The following KIF4A variants were observed in gnomAD, a reference collection of about 807,000 sequenced individuals.
KIF4A encodes the protein kinesin family member 4A.
In KIF4A, 7 loss-of-function variants were observed where a neutral mutation model predicts 105.9. The observed-to-expected ratio is 0.07, with a 90% CI of 0.04 to 0.12. The LOEUF (loss-of-function observed/expected upper bound fraction) is 0.12, where lower values mean the gene tolerates loss of function less well. KIF4A is among the 10% of genes least tolerant of loss of function. The pLI is 1.00. For synonymous variants in KIF4A, 281 were observed against 331.3 expected (o/e 0.85, Z 1.65); for missense variants, 558 against 929.2 (o/e 0.60, Z 5.19).
At chrX:70,380,287 AAC>A (rs1051370117) in intron 18 of KIF4A, among the ~76,000 whole-genome samples, 18 of 111,641 alleles carry the variant, frequency 1.6e-4, no homozygotes, top group Non-Finnish European at 5.7e-5. Flanking sequence ...CAGCCTGGGC[AAC>A]AGAGTGAGAC....
rs750885613 is a variant in KIF4A, at chrX:70,402,550, G to A, written c.2490-16G>A. 3.3e-6 allele frequency: 4 copies of A among 1,210,403 alleles called. No individual in the cohort carries two copies. The highest frequency in any genetic ancestry group is 2.3e-4 in the Middle Eastern group (1 of 4,341). On this transcript the variant is annotated splice_polypyrimidine_tract_variant and intron_variant, in intron 22 of 30. Coordinates refer to ENST00000374403, the MANE Select transcript of KIF4A (RefSeq NM_012310.5). ...CAGGCTACTTGCAATAAGGCTTACT[G>A]TTTCTTTCCCTGAAGGAGTGCTCAG...
At chrX:70,348,841 T>A (rs753231350) in intron 13 of KIF4A, among the ~76,000 whole-genome samples, 1 of 112,547 alleles carries the variant, frequency 8.9e-6, no homozygotes, top group East Asian at 2.8e-4. Flanking sequence ...ATTGTCATCA[T>A]GGCCCGTTCT....
intron 13 of KIF4A, among the ~76,000 whole-genome samples, chrX:70,349,828 C>T (rs1366629767): frequency 8.1e-5 from 7 of 86,744 alleles, no homozygotes; most frequent in African/African-American, 9.5e-5. Flanking sequence ...TGGGCAGAGG[C>T]GCTCCTCACT....
chrX:70,369,652 A>G (rs1439652756), intron 15 of KIF4A, among the ~76,000 whole-genome samples: 2 of 111,698 alleles, frequency 1.8e-5, no homozygotes, highest in Non-Finnish European at 3.8e-5. Context: ...TTCATTATGG[A>G]AAAAAAATGA....
intron 7 of KIF4A, among the ~76,000 whole-genome samples, chrX:70,321,133 C>T (rs1044294252): frequency 9.0e-6 from 1 of 111,150 alleles, no homozygotes; most frequent in East Asian, 2.8e-4. Flanking sequence ...AAGCCTACCT[C>T]CTCGACCATC....
intron 15 of KIF4A, among the ~76,000 whole-genome samples, chrX:70,368,017 A>G (rs902117125): frequency 1.8e-4 from 20 of 111,484 alleles, no homozygotes; most frequent in African/African-American, 6.2e-4. Context: ...TCCATCACTC[A>G]TACCTTTTCT....
rs189692120 is a variant in KIF4A, at chrX:70,385,769, G to A, written c.2035-849G>A. Among the ~76,000 whole-genome samples the A allele has an allele frequency of 2.7e-3, 302 of 112,425 alleles. 5 individuals carry two copies. Among genetic ancestry groups the A allele is most frequent in the Admixed American group, 0.026 (271 of 10,593 alleles). ...CAAGAAATCAAAGCAGTTAAATATT[G>A]TGTGCTCAGCTGAAGCAGGTGATAC... On this transcript the variant is annotated intron_variant, in intron 18 of 30. Coordinates refer to ENST00000374403, the MANE Select transcript of KIF4A (RefSeq NM_012310.5).
chrX:70,373,644 ACG>A (rs1404676910), intron 15 of KIF4A, among the ~76,000 whole-genome samples: 1 of 6,285 alleles, frequency 1.6e-4, no homozygotes, highest in Non-Finnish European at 2.8e-4. Context: ...ATACATATAT[ACG>A]TGTATATATA....
At chrX:70,358,441 A>G (rs958093392) in intron 15 of KIF4A, among the ~76,000 whole-genome samples, 7 of 108,888 alleles carry the variant, frequency 6.4e-5, no homozygotes, top group African/African-American at 2.0e-4. Context: ...TTTTTATTCC[A>G]CTCTGAGAGA....
chrX:70,331,451 T>C (rs1056870255), intron 9 of KIF4A, among the ~76,000 whole-genome samples: 31 of 111,505 alleles, frequency 2.8e-4, no homozygotes, highest in African/African-American at 9.1e-4. Flanking sequence ...AAGTTATATT[T>C]ACACTATACT....
At chrX:70,330,105 C>T in intron 8 of KIF4A, 52 bp from the exon 9 acceptor site, 1 of 1,072,732 alleles carries the variant, frequency 9.3e-7, no homozygotes, top group Non-Finnish European at 1.3e-6. Context: ...TTGCTTATAT[C>T]CTACTTGTTT....
chrX:70,341,659 C>CAA, intron 10 of KIF4A, 140 bp from the exon 11 acceptor site: 1 of 571,258 alleles, frequency 1.8e-6, no homozygotes, highest in South Asian at 4.1e-5. Context: ...GTTGGACACA[C>CAA]TTTTCCCAGA....
chrX:70,408,308 C>A (rs1197188361), intron 28 of KIF4A, among the ~76,000 whole-genome samples: 1 of 111,453 alleles, frequency 9.0e-6, no homozygotes, highest in Non-Finnish European at 1.9e-5. Context: ...TAATTTTACT[C>A]TCTAGGCTAA....
At chrX:70,373,847 T>TACAC (rs902162619) in intron 15 of KIF4A, among the ~76,000 whole-genome samples, 39 of 36,478 alleles carry the variant, frequency 1.1e-3, no homozygotes, top group Admixed American at 2.8e-3. Context: ...CACACACACA[T>TACAC]ACACACACAC....
At chrX:70,407,107 T>TTTG in intron 28 of KIF4A, 32 bp downstream of exon 28, 1 of 1,158,073 alleles carries the variant, frequency 8.6e-7, no homozygotes, top group Non-Finnish European at 1.2e-6. Flanking sequence ...TTTTTTTTGT[T>TTTG]TTGTTGTTGT....
At chrX:70,331,407 G>A (rs2085929982) in intron 9 of KIF4A, among the ~76,000 whole-genome samples, 1 of 111,406 alleles carries the variant, frequency 9.0e-6, no homozygotes, top group Non-Finnish European at 1.9e-5. Flanking sequence ...AATAAAGTGA[G>A]TCACACAATT....
At chrX:70,363,228 A>C (rs1369940551) in intron 15 of KIF4A, among the ~76,000 whole-genome samples, 1 of 88,579 alleles carries the variant, frequency 1.1e-5, no homozygotes, top group African/African-American at 3.6e-5. Flanking sequence ...GTATATAATG[A>C]ATAGAAACTA....
At chrX:70,362,023 G>A (rs1320565083) in intron 15 of KIF4A, 1 of 160,896 alleles carries the variant, frequency 6.2e-6, no homozygotes, top group Non-Finnish European at 1.2e-5. Context: ...CCTCTGTAGA[G>A]GCCATGTTTT....
At chrX:70,329,122 C>G (rs2147690868) in intron 7 of KIF4A, among the ~76,000 whole-genome samples, 1 of 111,736 alleles carries the variant, frequency 8.9e-6, no homozygotes, top group South Asian at 3.7e-4. Context: ...AAGTAAATAA[C>G]TATACAGATG....
Sources: gnomAD v4.1 joint callset for allele counts (sites outside exome capture counted in the v4.1 genomes callset) on GRCh38, gnomAD v4.1.1 for gene constraint, MANE v1.5 for transcripts, NCBI Gene and HGNC (gene_info 2026-07-23, HGNC 2026-07-21) for gene names.